TENM3: variants seen among roughly 807,000 people sequenced by gnomAD.
The protein encoded by TENM3 is teneurin transmembrane protein 3.
TENM3 carries 63 observed loss-of-function variants against 255.1 expected under a neutral mutation model. That is an observed-to-expected ratio of 0.25 (90% confidence interval 0.20 to 0.30). The LOEUF (loss-of-function observed/expected upper bound fraction) is 0.30. Ranked by LOEUF, TENM3 falls within the 10% of genes least tolerant of loss-of-function variation. The pLI, the probability that TENM3 is intolerant of heterozygous loss-of-function variation, is 1.00. For missense variants in TENM3, 2,929 were observed against 3,461.1 expected, an observed-to-expected ratio of 0.85 and a Z score of 3.86; for synonymous variants, 1,306 against 1,322.3, an observed-to-expected ratio of 0.99 and a Z score of 0.27.
chr4:181,460,343 C>T, the TENM3 span, among the ~76,000 whole-genome samples: 1 of 151,872 alleles, frequency 6.6e-6, no homozygotes, highest in Non-Finnish European at 1.5e-5. Flanking sequence ...TGCCTTATTA[C>T]TGATCTTAGG....
At chr4:182,610,511 C>A (rs1748886600) in intron 4 of TENM3, among the ~76,000 whole-genome samples, 1 of 152,068 alleles carries the variant, frequency 6.6e-6, no homozygotes, top group Admixed American at 6.5e-5. Flanking sequence ...TGAGACCCCA[C>A]CTCTGACAAA....
the TENM3 span, among the ~76,000 whole-genome samples, chr4:181,658,319 G>A: frequency 1.3e-5 from 2 of 152,098 alleles, no homozygotes; most frequent in Non-Finnish European, 2.9e-5. Flanking sequence ...GGAGATTGGC[G>A]GAACCACTGG....
the TENM3 span, among the ~76,000 whole-genome samples, chr4:181,777,089 CTTAAG>C: frequency 6.6e-6 from 1 of 152,012 alleles, no homozygotes; most frequent in Non-Finnish European, 1.5e-5. Flanking sequence ...TTTAATCCAT[CTTAAG>C]TTAATTTTTG....
chr4:181,564,140 A>T, the TENM3 span, among the ~76,000 whole-genome samples: 1 of 148,362 alleles, frequency 6.7e-6, no homozygotes, highest in Admixed American at 6.9e-5. Flanking sequence ...TCCCAGATTC[A>T]AGTGATTCTC....
chr4:181,945,290 G>A, the TENM3 span, among the ~76,000 whole-genome samples: 3 of 152,220 alleles, frequency 2.0e-5, no homozygotes, highest in South Asian at 2.1e-4. Flanking sequence ...AAAACTGCCT[G>A]AGAATCATCA....
At chr4:182,640,776 T>C (rs1413498306) in intron 5 of TENM3, among the ~76,000 whole-genome samples, 1 of 152,172 alleles carries the variant, frequency 6.6e-6, no homozygotes, top group Non-Finnish European at 1.5e-5. Flanking sequence ...TTTCCACAAA[T>C]GCTCCATAAA....
chr4:181,864,868 CA>C, the TENM3 span, among the ~76,000 whole-genome samples: 1 of 152,154 alleles, frequency 6.6e-6, no homozygotes, highest in African/African-American at 2.4e-5. Flanking sequence ...TCTGAATTAT[CA>C]AAGCCAAATT....
the TENM3 span, among the ~76,000 whole-genome samples, chr4:181,704,031 ACTT>A: frequency 6.6e-6 from 1 of 152,098 alleles, no homozygotes; most frequent in Admixed American, 6.6e-5. Context: ...GGAAGTACCA[ACTT>A]CTGCAATGAG....
chr4:181,555,334 A>G, the TENM3 span, among the ~76,000 whole-genome samples: 1 of 152,130 alleles, frequency 6.6e-6, no homozygotes, highest in African/African-American at 2.4e-5. Context: ...TCGAGACTAT[A>G]TTATCTTAGC....
chr4:182,027,237 A>G, the TENM3 span, among the ~76,000 whole-genome samples: 1 of 152,090 alleles, frequency 6.6e-6, no homozygotes, highest in South Asian at 2.1e-4. Flanking sequence ...ATTGATGGCT[A>G]TTGTAAATGG....
chr4:182,014,495 T>C, the TENM3 span, among the ~76,000 whole-genome samples: 1 of 152,136 alleles, frequency 6.6e-6, no homozygotes, highest in Non-Finnish European at 1.5e-5. Flanking sequence ...GCATTTCCTC[T>C]AGAATGTATT....
At chr4:182,230,540 A>T (rs1756490480) in intron 1 of TENM3, among the ~76,000 whole-genome samples, 1 of 151,946 alleles carries the variant, frequency 6.6e-6, no homozygotes, top group Non-Finnish European at 1.5e-5. Context: ...ACCAAAACAG[A>T]CAGTCACTGC....
chr4:181,826,850 C>A, the TENM3 span, among the ~76,000 whole-genome samples: 1 of 152,166 alleles, frequency 6.6e-6, no homozygotes, highest in Non-Finnish European at 1.5e-5. Flanking sequence ...AGAGCCACTG[C>A]TCTAAAGGGA....
At chr4:181,820,724 A>G in the TENM3 span, among the ~76,000 whole-genome samples, 1 of 152,088 alleles carries the variant, frequency 6.6e-6, no homozygotes, top group Non-Finnish European at 1.5e-5. Context: ...TCCCTTTCTT[A>G]TGTGCTAGAG....
At chr4:182,050,461 C>T in the TENM3 span, among the ~76,000 whole-genome samples, 1 of 152,174 alleles carries the variant, frequency 6.6e-6, no homozygotes, top group Non-Finnish European at 1.5e-5. Flanking sequence ...CAGTGACATG[C>T]TGTGAAAATT....
In TENM3 at chr4:182,255,051, T is replaced by A. The variant is rs188505298; in HGVS notation, c.-76+11575T>A. On this transcript the variant is annotated intron_variant, in intron 1 of 27. Coordinates refer to ENST00000511685, the MANE Select transcript of TENM3 (RefSeq NM_001080477.4). Reference sequence around the variant, plus strand: ...GAAAGACTGGTACTTTCGGAAAATATCTTAAATTTCAGTGCAGCACAAAGG... The same window carrying A: ...GAAAGACTGGTACTTTCGGAAAATAACTTAAATTTCAGTGCAGCACAAAGG... 2.8e-3 allele frequency among the ~76,000 whole-genome samples: 427 copies of A among 152,296 alleles called. 3 individuals carry two copies. Among genetic ancestry groups the A allele is most frequent in the Non-Finnish European group, 4.8e-3 (325 of 68,018 alleles).
At chr4:181,745,025 A>T in the TENM3 span, among the ~76,000 whole-genome samples, 1 of 152,166 alleles carries the variant, frequency 6.6e-6, no homozygotes, top group Non-Finnish European at 1.5e-5. Context: ...TATAGATGGT[A>T]TTTAAGGTCA....
chr4:181,530,552 G>A, the TENM3 span, among the ~76,000 whole-genome samples: 1 of 152,134 alleles, frequency 6.6e-6, no homozygotes, highest in African/African-American at 2.4e-5. Context: ...AACATACAAA[G>A]CATTTTTCCC....
intron 13 of TENM3, among the ~76,000 whole-genome samples, 163 bp from the exon 14 acceptor site, chr4:182,728,802 A>G (rs751879158): frequency 9.9e-5 from 15 of 151,658 alleles, no homozygotes; most frequent in Non-Finnish European, 1.6e-4. Context: ...TTGTATTTCT[A>G]TTTCTTCTGG....
Sources: gnomAD v4.1 joint callset for allele counts (sites outside exome capture counted in the v4.1 genomes callset) on GRCh38, gnomAD v4.1.1 for gene constraint, MANE v1.5 for transcripts, NCBI Gene and HGNC (gene_info 2026-07-23, HGNC 2026-07-21) for gene names.